ABCB9: variants seen among roughly 807,000 people sequenced by gnomAD.
ABCB9 encodes the protein ABC-type oligopeptide transporter ABCB9.
Under a neutral mutation model 62.0 loss-of-function variants are expected in ABCB9, and 36 were observed. The observed-to-expected ratio is 0.58, with a 90% confidence interval of 0.45 to 0.77. ABCB9 has a LOEUF of 0.77. ABCB9 is among the 30% of genes least tolerant of loss of function. The pLI is 0.00. For missense variants in ABCB9, 943 were observed against 1,054.7 expected, an observed-to-expected ratio of 0.89 and a Z score of 1.47; for synonymous variants, 435 against 461.4, an observed-to-expected ratio of 0.94 and a Z score of 0.73.
intron 2 of ABCB9, chr12:122,952,996 C>G (rs975933017): frequency 3.9e-5 from 6 of 152,340 alleles, no homozygotes; most frequent in African/African-American, 1.4e-4. Flanking sequence ...TCCAAATCCC[C>G]CTTCTCATCC....
rs968293655 is a variant in ABCB9 at position 122,929,685 on chromosome 12, G to C, written c.*226C>G. ...AGCTCTACCTTTGCTTAGGAGGCTA[G>C]GGAGGTCCGTGAAGGCGTTGGCTCA... On this transcript the variant is annotated 3_prime_UTR_variant, in exon 12 of 12. Coordinates refer to ENST00000280560, the MANE Select transcript of ABCB9 (RefSeq NM_019625.4). This position sits in a 1 kb window ranked among gnomAD's most constrained non-coding sequence, Gnocchi z 6.0. 3.0e-5 allele frequency: 38 copies of C among 1,287,712 alleles called. No individual in the cohort carries two copies. The African/African-American group carries it at 5.0e-4, about 17-fold the overall frequency. The allele number at this position is 1,287,712 out of a possible 1,614,324, so 79.8% of individuals were successfully genotyped here.
At position 122,962,521 on chromosome 12, in the gene ABCB9, G is replaced by A. The variant is rs2036960766; in HGVS notation, c.-87-2199C>T. Among the ~76,000 whole-genome samples, 4 of 152,280 alleles carry A rather than the reference G, an allele frequency of 2.6e-5. 1 individual carries two copies. In the South Asian group the frequency reaches 6.2e-4, roughly 24 times the overall value. On this transcript the variant is annotated intron_variant, in intron 1 of 11. Transcript: ENST00000280560. ...TGACTGGAACCTCACACAGTCCCAC[G>A]AGGCCAGGGTTTCCATATTCCCGTT...
chr12:122,948,417 CT>C, intron 5 of ABCB9: 1 of 506,012 alleles, frequency 2.0e-6, no homozygotes, highest in Non-Finnish European at 3.4e-6. Flanking sequence ...GGGGCCTTGT[CT>C]TTTTCACTGA....
At chr12:122,922,207 AGTTT>A (rs1297167835) in intron 11 of ABCB9, among the ~76,000 whole-genome samples, 2 of 152,162 alleles carry the variant, frequency 1.3e-5, no homozygotes, top group African/African-American at 4.8e-5. Context: ...GGGTTTGTTT[AGTTT>A]GTTTACAGTG....
At position 122,930,135 on chromosome 12, in the gene ABCB9, T is replaced by C. The variant is rs2035070535; in HGVS notation, c.2077A>G (p.Thr693Ala). The change falls in exon 12 of 12, where the codon ACG becomes GCG. Residue 693 changes from threonine to alanine, a missense_variant. By Grantham distance (58) the Thr-to-Ala change is moderately conservative (BLOSUM62 0). Coordinates refer to ENST00000280560, the MANE Select transcript of ABCB9 (RefSeq NM_019625.4). This position sits in a 1 kb window ranked among gnomAD's most constrained non-coding sequence, Gnocchi z 4.9. ...AGCCGGTGCGCGATGATGAGTACCG[T>C]GTGCTTCTGCAGGTTGCCATGGATG... ...QAIHGNLQKH[T>A]VLIIAHRLST... 6.4e-7 allele frequency: 1 copy of C among 1,553,050 alleles called. No homozygotes were observed. Among genetic ancestry groups the C allele is most frequent in the African/African-American group, 1.4e-5 (1 of 73,310 alleles).
chr12:122,957,849 T>C (rs1319039243), intron 2 of ABCB9, among the ~76,000 whole-genome samples: 2 of 151,366 alleles, frequency 1.3e-5, no homozygotes, highest in Non-Finnish European at 2.9e-5. Context: ...TCCATCCACA[T>C]TCATATGAAA....
At chr12:122,955,931 C>T (rs1335077386) in intron 2 of ABCB9, among the ~76,000 whole-genome samples, 1 of 152,078 alleles carries the variant, frequency 6.6e-6, no homozygotes, top group Non-Finnish European at 1.5e-5. Context: ...AGGCTAGTCT[C>T]GAACTCCTAA....
upstream of ABCB9, among the ~76,000 whole-genome samples, chr12:122,969,732 CA>C (rs58746093): frequency 0.016 from 1,452 of 90,754 alleles, 15 homozygotes; most frequent in African/African-American, 0.038. Context: ...GACCCTGTCT[CA>C]AAAAAAAAAA....
intron 1 of ABCB9, among the ~76,000 whole-genome samples, chr12:122,974,158 G>A (rs74507677): frequency 3.5e-4 from 53 of 152,370 alleles, no homozygotes; most frequent in African/African-American, 1.2e-3. Flanking sequence ...TGCCTGGTGG[G>A]TGGCTGGGGA....
chr12:122,960,095 C>A lies in ABCB9; in HGVS notation c.141G>T (p.Val47=). The A allele has an allele frequency of 6.2e-7, 1 of 1,613,552 alleles. No individual in the cohort carries two copies. Among genetic ancestry groups the A allele is most frequent in the Non-Finnish European group, 8.5e-7 (1 of 1,180,048 alleles). Residue 47 remains valine (V), a synonymous_variant, in exon 2 of 12, where the codon GTG becomes GTT. Coordinates refer to ENST00000280560, the MANE Select transcript of ABCB9 (RefSeq NM_019625.4). ...DIRHFNIFDS[V]LDLWAACLYR... The stretch of plus-strand genomic sequence containing the variant: ...ACAGGCAGGCTGCCCAGAGATCCAG[C>A]ACCGAGTCAAAGATGTTGAAGTGGC...
Position 122,959,671 on chromosome 12 carries a change from C to A in ABCB9, c.565G>T (p.Val189Leu). Residue 189 changes from valine to leucine, a missense_variant, in exon 2 of 12, where the codon GTG becomes TTG. Val to Leu is a conservative substitution (Grantham distance 32). Coordinates refer to ENST00000280560, the MANE Select transcript of ABCB9 (RefSeq NM_019625.4). The surrounding 1 kb of genome is among the most constrained non-coding windows in gnomAD (Gnocchi z 5.4). ...SYTKPDVAFLVAASFFLIVAA... is the reference protein window; with the variant it reads ...SYTKPDVAFLLAASFFLIVAA... Reference sequence around the variant, plus strand: ...ACGATGAGGAAGAAGGAGGCGGCCACGAGGAAGGCCACGTCGGGCTTGGTG... The same window carrying A: ...ACGATGAGGAAGAAGGAGGCGGCCAAGAGGAAGGCCACGTCGGGCTTGGTG... 1 of 1,580,998 alleles carries A rather than the reference C, an allele frequency of 6.3e-7. No individual in the cohort carries two copies. Among genetic ancestry groups the A allele is most frequent in the South Asian group, 1.1e-5 (1 of 88,638 alleles).
chr12:122,937,358 T>TAA (rs77730174), intron 9 of ABCB9, among the ~76,000 whole-genome samples: 1 of 136,006 alleles, frequency 7.4e-6, no homozygotes. Context: ...GACTCCATCT[T>TAA]AAAAAAAAAA....
At chr12:122,937,057 C>T (rs1303357416) in intron 9 of ABCB9, among the ~76,000 whole-genome samples, 1 of 151,950 alleles carries the variant, frequency 6.6e-6, no homozygotes, top group Non-Finnish European at 1.5e-5. Context: ...GAGTGAGATC[C>T]TATCTCAAAC....
chr12:122,962,223 G>A (rs891924640), intron 1 of ABCB9, among the ~76,000 whole-genome samples: 9 of 152,342 alleles, frequency 5.9e-5, no homozygotes, highest in African/African-American at 2.2e-4. Context: ...CTGGAGGCCT[G>A]AGTTTGTGAG....
Position 122,929,693 on chromosome 12 carries a change from C to T in ABCB9, c.*218G>A, listed in dbSNP as rs1188636573. Reference sequence around the variant, plus strand: ...CTTTGCTTAGGAGGCTAGGGAGGTCCGTGAAGGCGTTGGCTCAGGGCAGCA... The same window carrying T: ...CTTTGCTTAGGAGGCTAGGGAGGTCTGTGAAGGCGTTGGCTCAGGGCAGCA... On this transcript the variant is annotated 3_prime_UTR_variant, in exon 12 of 12. Transcript: ENST00000280560. The surrounding 1 kb of genome is among the most constrained non-coding windows in gnomAD (Gnocchi z 6.0). 1.1e-5 allele frequency: 14 copies of T among 1,292,198 alleles called. No individual in the cohort carries two copies. Among genetic ancestry groups the T allele is most frequent in the Middle Eastern group, 2.9e-4 (1 of 3,402 alleles). The allele number at this position is 1,292,198 out of a possible 1,614,324, so 80.0% of individuals were successfully genotyped here.
chr12:122,975,065 C>T lies in ABCB9; in HGVS notation c.-438G>A, dbSNP rs141789850. The T allele has an allele frequency of 4.3e-5, 20 of 469,972 alleles. No individual in the cohort carries two copies. In the East Asian group the frequency reaches 6.4e-4, roughly 15 times the overall value. 29.1% of individuals were successfully genotyped at this position (469,972 alleles called of 1,614,324 possible). ...AAAACTGGGAGGCGGAACGAGGAGGCCGCCGGTCCCAACCCGGCCCAGGAG... is the reference window on the plus strand; with the variant it reads ...AAAACTGGGAGGCGGAACGAGGAGGTCGCCGGTCCCAACCCGGCCCAGGAG... On this transcript the variant is annotated 5_prime_UTR_variant, in exon 1 of 12. Transcript: ENST00000392439.
chr12:122,937,501 C>T (rs1222224987), intron 9 of ABCB9, among the ~76,000 whole-genome samples: 1 of 152,132 alleles, frequency 6.6e-6, no homozygotes, highest in African/African-American at 2.4e-5. Context: ...AATAAGCTAC[C>T]ACTACATTCT....
chr12:122,954,517 G>C (rs531655069), intron 2 of ABCB9, among the ~76,000 whole-genome samples: 2 of 151,712 alleles, frequency 1.3e-5, no homozygotes, highest in African/African-American at 2.4e-5. Flanking sequence ...TTTTGAGACA[G>C]AGTCTCATTC....
At chr12:122,945,474 G>A (rs959589344) in intron 6 of ABCB9, among the ~76,000 whole-genome samples, 1 of 152,064 alleles carries the variant, frequency 6.6e-6, no homozygotes, top group African/African-American at 2.4e-5. Flanking sequence ...AGTGGCCTAG[G>A]GACCTGCTGA....
Sources: gnomAD v4.1 joint callset for allele counts (sites outside exome capture counted in the v4.1 genomes callset) on GRCh38, gnomAD v4.1.1 for gene constraint, Gnocchi (gnomAD v3.1) non-coding constraint, MANE v1.5 for transcripts, NCBI Gene and HGNC (gene_info 2026-07-23, HGNC 2026-07-21) for gene names.